The following TLN2 variants were observed in gnomAD, a reference collection of about 807,000 sequenced individuals.
TLN2 encodes the protein talin-2.
In TLN2, 118 loss-of-function variants were observed where a neutral mutation model predicts 294.7. The observed-to-expected ratio is 0.40, with a 90% CI of 0.34 to 0.47. TLN2 has a LOEUF of 0.47. TLN2 is among the 20% of genes least tolerant of loss of function. TLN2 has a pLI of 0.84. For synonymous variants in TLN2, 1,431 were observed against 1,304.5 expected (o/e 1.10, Z -2.09); for missense variants, 3,083 against 3,282.2 (o/e 0.94, Z 1.48).
At chr15:62,430,934 C>CAAAAAAA (rs10649000) in intron 1 of TLN2, among the ~76,000 whole-genome samples, 38 of 143,660 alleles carry the variant, frequency 2.6e-4, no homozygotes, top group African/African-American at 9.3e-4. Flanking sequence ...CAGGAAAAGC[C>CAAAAAAA]AAAAAAAAAA....
chr15:62,767,775 T>C (rs1272298682), intron 41 of TLN2, among the ~76,000 whole-genome samples: 1 of 152,234 alleles, frequency 6.6e-6, no homozygotes, highest in Non-Finnish European at 1.5e-5. Context: ...TAAGGGAAAC[T>C]GAGTTTAGGA....
chr15:62,747,631 A>G (rs2140987065), intron 32 of TLN2, among the ~76,000 whole-genome samples: 1 of 152,284 alleles, frequency 6.6e-6, no homozygotes. Flanking sequence ...TTATGAATGT[A>G]TTAGCTTTCT....
intron 2 of TLN2, among the ~76,000 whole-genome samples, chr15:62,596,317 A>G (rs7167910): frequency 0.37 from 55,376 of 150,080 alleles, 10,638 homozygotes; most frequent in East Asian, 0.59. Flanking sequence ...GATTTTAAGC[A>G]TTCTTATCAC....
At chr15:62,440,037 C>G (rs1364458409) in intron 1 of TLN2, among the ~76,000 whole-genome samples, 1 of 152,126 alleles carries the variant, frequency 6.6e-6, no homozygotes, top group Non-Finnish European at 1.5e-5. Context: ...TGGATGGTCT[C>G]TTCATTTACT....
At chr15:62,591,417 G>A (rs1472007970) in intron 2 of TLN2, among the ~76,000 whole-genome samples, 1 of 152,138 alleles carries the variant, frequency 6.6e-6, no homozygotes, top group Non-Finnish European at 1.5e-5. Context: ...TACATTGCCT[G>A]TTTCCAGAAA....
intron 1 of TLN2, among the ~76,000 whole-genome samples, chr15:62,506,189 G>A (rs1435058355): frequency 6.6e-6 from 1 of 152,090 alleles, no homozygotes; most frequent in Non-Finnish European, 1.5e-5. Flanking sequence ...CAGGAAGAAG[G>A]GACCTCTCTG....
At chr15:62,808,337 C>T (rs2066436631) in intron 51 of TLN2, among the ~76,000 whole-genome samples, 1 of 152,242 alleles carries the variant, frequency 6.6e-6, no homozygotes, top group African/African-American at 2.4e-5. Flanking sequence ...TACAAAATAC[C>T]CTTAATGAAT....
chr15:62,426,391 G>A (rs1275114976), intron 1 of TLN2, among the ~76,000 whole-genome samples: 2 of 152,240 alleles, frequency 1.3e-5, no homozygotes, highest in Non-Finnish European at 2.9e-5. Flanking sequence ...CTGGGGCTGC[G>A]CCTCTAGTCT....
intron 1 of TLN2, among the ~76,000 whole-genome samples, chr15:62,485,231 T>C (rs1160460960): frequency 6.6e-6 from 1 of 152,186 alleles, no homozygotes; most frequent in African/African-American, 2.4e-5. Flanking sequence ...TGATCACCTC[T>C]GCAAAGTCCA....
intron 1 of TLN2, among the ~76,000 whole-genome samples, chr15:62,440,957 C>T (rs966195973): frequency 6.6e-6 from 1 of 152,160 alleles, no homozygotes; most frequent in African/African-American, 2.4e-5. Flanking sequence ...GGAAACAAAG[C>T]CAGGTTCTGG....
intron 1 of TLN2, among the ~76,000 whole-genome samples, chr15:62,473,494 T>G (rs1443681826): frequency 1.3e-5 from 2 of 152,232 alleles, no homozygotes; most frequent in East Asian, 1.9e-4. Flanking sequence ...AACTTTTAAC[T>G]GATCTTTGCT....
intron 1 of TLN2, among the ~76,000 whole-genome samples, chr15:62,419,864 A>G (rs1418318624): frequency 4.6e-5 from 7 of 152,066 alleles, no homozygotes; most frequent in Middle Eastern, 3.2e-3. Flanking sequence ...GGCTCAAGCA[A>G]TCCTCCCACC....
chr15:62,609,942 C>T (rs1009513947), intron 2 of TLN2, among the ~76,000 whole-genome samples: 1 of 152,168 alleles, frequency 6.6e-6, no homozygotes, highest in African/African-American at 2.4e-5. Flanking sequence ...CTGGATTTAG[C>T]CAGTAGGCAC....
chr15:62,647,518 G>A (rs2052024577), intron 4 of TLN2, 72 bp downstream of exon 4: 1 of 1,601,434 alleles, frequency 6.2e-7, no homozygotes, highest in African/African-American at 1.3e-5. Context: ...TAAAGAGACA[G>A]AGGCTCCAAG....
intron 1 of TLN2, among the ~76,000 whole-genome samples, chr15:62,402,194 A>G (rs1027070619): frequency 2.6e-5 from 4 of 152,172 alleles, no homozygotes; most frequent in Non-Finnish European, 4.4e-5. Context: ...TTATTGTTTC[A>G]TTAAAACAAT....
At chr15:62,636,356 G>T (rs920241112) in intron 3 of TLN2, among the ~76,000 whole-genome samples, 5 of 152,108 alleles carry the variant, frequency 3.3e-5, no homozygotes, top group Admixed American at 6.5e-5. Flanking sequence ...AGAAAATGAG[G>T]AGCCTTTGGA....
chr15:62,535,556 AT>A (rs34539193), intron 1 of TLN2, among the ~76,000 whole-genome samples: 217 of 139,628 alleles, frequency 1.6e-3, no homozygotes, highest in Admixed American at 1.9e-3. Context: ...AGATAACTTG[AT>A]TTTTTTTTTT....
intron 28 of TLN2, among the ~76,000 whole-genome samples, chr15:62,730,903 T>C (rs995894217): frequency 2.6e-5 from 4 of 152,246 alleles, no homozygotes; most frequent in Non-Finnish European, 4.4e-5. Flanking sequence ...TCTTCAAATA[T>C]TGCTTCTGTC....
chr15:62,737,312 A>G (rs1321378585), intron 29 of TLN2, among the ~76,000 whole-genome samples: 1 of 152,228 alleles, frequency 6.6e-6, no homozygotes, highest in African/African-American at 2.4e-5. Context: ...CACAGTCAGC[A>G]GAGGGCATGG....
Sources: gnomAD v4.1 joint callset for allele counts (sites outside exome capture counted in the v4.1 genomes callset) on GRCh38, gnomAD v4.1.1 for gene constraint, MANE v1.5 for transcripts, NCBI Gene and HGNC (gene_info 2026-07-23, HGNC 2026-07-21) for gene names.